PRDM15: variants seen among roughly 807,000 people sequenced by gnomAD.
PRDM15 encodes PR domain zinc finger protein 15.
PRDM15 carries 64 observed loss-of-function variants against 128.6 expected under a neutral mutation model. The ratio of observed to expected loss-of-function variants is 0.50; its 90% CI spans 0.41 to 0.61. The LOEUF is 0.61. Ranked by LOEUF, PRDM15 falls within the 20% of genes least tolerant of loss-of-function variation. The pLI is 0.00. For missense variants in PRDM15, 1,242 were observed against 1,569.1 expected, an observed-to-expected ratio of 0.79 and a Z score of 3.52; for synonymous variants, 615 against 621.8, an observed-to-expected ratio of 0.99 and a Z score of 0.16.
intron 1 of PRDM15, among the ~76,000 whole-genome samples, chr21:41,870,232 T>C (rs1056118101): frequency 3.3e-5 from 5 of 152,194 alleles, no homozygotes; most frequent in Non-Finnish European, 7.3e-5. Context: ...TCAACATCTA[T>C]TAATATAAAC....
intron 21 of PRDM15, among the ~76,000 whole-genome samples, chr21:41,805,554 G>A (rs115304548): frequency 1.2e-3 from 183 of 152,248 alleles, no homozygotes; most frequent in African/African-American, 4.3e-3. Context: ...AGGCTGGTCT[G>A]TAAGTGTTTT....
At chr21:41,867,485 C>T (rs573221621) in intron 1 of PRDM15, 101 of 872,408 alleles carry the variant, frequency 1.2e-4, no homozygotes, top group African/African-American at 9.4e-4. Context: ...CAGGCTGGAG[C>T]GCAGTGGTTT....
At chr21:41,841,978 A>G (rs916659743) in intron 6 of PRDM15, among the ~76,000 whole-genome samples, 1 of 152,260 alleles carries the variant, frequency 6.6e-6, no homozygotes, top group African/African-American at 2.4e-5. Flanking sequence ...TTAAGAAAAA[A>G]TCATCTGAAA....
At chr21:41,843,204 T>C (rs2063128906) in intron 6 of PRDM15, among the ~76,000 whole-genome samples, 1 of 152,234 alleles carries the variant, frequency 6.6e-6, no homozygotes, top group Non-Finnish European at 1.5e-5. Flanking sequence ...ATTTGCTTAT[T>C]TTTTTCCCGT....
In PRDM15 at chr21:41,810,791, T is replaced by G; in HGVS notation, c.2438A>C (p.Glu813Ala). 1 of 1,614,176 alleles carries G rather than the reference T, an allele frequency of 6.2e-7. No homozygotes were observed. The highest frequency in any genetic ancestry group is 8.5e-7 in the Non-Finnish European group (1 of 1,180,028). ...MCELCGKTFS[E>A]RNTMETHKLI... ...CTTGTGGGTCTCCATGGTGTTCCTC[T>G]CGCTGAATGTCTTCCCACACAATTC... is the stretch of plus-strand genomic sequence containing the variant. Residue 813 changes from glutamate to alanine, a missense_variant, in exon 20 of 24, where the codon GAG (glutamate) becomes GCG (alanine). Transcript: ENST00000398548. This position sits in a 1 kb window ranked among gnomAD's most constrained non-coding sequence, Gnocchi z 6.4.
rs2063838704 is a variant in PRDM15, at chr21:41,862,202, C to G, written c.-9-1830G>C. ...GCCCCCTGCAGGAACCCACGTGACT[C>G]ACGGTCAGGAGCTTGGGCGATGGGA... On this transcript the variant is annotated intron_variant, in intron 1 of 23. Coordinates refer to ENST00000398548, the MANE Select transcript of PRDM15 (RefSeq NM_001040424.3). The surrounding 1 kb of genome is among the most constrained non-coding windows in gnomAD (Gnocchi z 4.1). 6.6e-6 allele frequency among the ~76,000 whole-genome samples: 1 copy of G among 152,178 alleles called. No homozygotes were observed. The highest frequency in any genetic ancestry group is 2.4e-5 in the African/African-American group (1 of 41,452).
chr21:41,816,599 C>G (rs969144888), intron 18 of PRDM15, among the ~76,000 whole-genome samples: 1 of 152,232 alleles, frequency 6.6e-6, no homozygotes, highest in Non-Finnish European at 1.5e-5. Flanking sequence ...AGCCTGAACA[C>G]AGCTCTGTAG....
chr21:41,843,831 TCCA>T (rs1442656302), intron 6 of PRDM15, among the ~76,000 whole-genome samples: 1 of 151,990 alleles, frequency 6.6e-6, no homozygotes, highest in East Asian at 1.9e-4. Flanking sequence ...CACCTGTAGT[TCCA>T]GCTACTTGGG....
At chr21:41,819,296 G>A (rs1488317343) in intron 18 of PRDM15, among the ~76,000 whole-genome samples, 1 of 152,112 alleles carries the variant, frequency 6.6e-6, no homozygotes, top group Admixed American at 6.5e-5. Flanking sequence ...CGGCCTGGCT[G>A]AGCCTGGCCC....
At chr21:41,861,610 G>A (rs776430818) in intron 1 of PRDM15, 2 of 1,613,880 alleles carry the variant, frequency 1.2e-6, no homozygotes, top group Middle Eastern at 1.7e-4. Context: ...GTTGCTGAGT[G>A]GTTTAGGAAA....
chr21:41,875,666 C>T (rs2064387515), intron 1 of PRDM15, among the ~76,000 whole-genome samples: 1 of 152,228 alleles, frequency 6.6e-6, no homozygotes, highest in African/African-American at 2.4e-5. Context: ...CTAGGAACTC[C>T]TATTTCTGTT....
intron 7 of PRDM15, 63 bp downstream of exon 7, chr21:41,839,560 G>T: frequency 1.5e-6 from 2 of 1,295,106 alleles, no homozygotes; most frequent in Non-Finnish European, 2.2e-6. Flanking sequence ...TGCCCCGCCA[G>T]CCCTCGGGCG....
chr21:41,872,317 G>A (rs1221817855), intron 1 of PRDM15, among the ~76,000 whole-genome samples: 1 of 152,020 alleles, frequency 6.6e-6, no homozygotes, highest in African/African-American at 2.4e-5. Flanking sequence ...ACTTCTTATG[G>A]CAGATGAAGG....
rs370491837 is a variant in PRDM15, at chr21:41,839,868, G to T, written c.641-15C>A. On this transcript the variant is annotated splice_polypyrimidine_tract_variant and intron_variant, in intron 6 of 23. Coordinates refer to ENST00000398548, the MANE Select transcript of PRDM15 (RefSeq NM_001040424.3). The stretch of plus-strand genomic sequence containing the variant: ...CAACAGATGTTCTGCAAAGAGAGAC[G>T]CGAATGCACCACACAATTAGGAAGC... The T allele has an allele frequency of 6.2e-7, 1 of 1,607,348 alleles. No homozygotes were observed. The highest frequency in any genetic ancestry group is 8.5e-7 in the Non-Finnish European group (1 of 1,174,024).
In PRDM15 at chr21:41,862,438, C is replaced by T. The variant is rs2063849670; in HGVS notation, c.-9-2066G>A. 6.6e-6 allele frequency among the ~76,000 whole-genome samples: 1 copy of T among 152,160 alleles called. No individual in the cohort carries two copies. Among genetic ancestry groups the T allele is most frequent in the African/African-American group, 2.4e-5 (1 of 41,434 alleles). On this transcript the variant is annotated intron_variant, in intron 1 of 23. Transcript: ENST00000398548. This position sits in a 1 kb window ranked among gnomAD's most constrained non-coding sequence, Gnocchi z 4.1. ...TGGCCTACACCTCTCACAGACTGCC[C>T]ACCCCTTCTAGGTGCCCCCAAAAAA...
At chr21:41,806,006 T>TTACCACCACCACCAC (rs2061561136) in intron 21 of PRDM15, among the ~76,000 whole-genome samples, 1 of 42,436 alleles carries the variant, frequency 2.4e-5, no homozygotes, top group African/African-American at 1.0e-4. Context: ...ACCACCACCA[T>TTACCACCACCACCAC]CACCACCACC....
At chr21:41,872,262 C>T (rs1275949901) in intron 1 of PRDM15, among the ~76,000 whole-genome samples, 1 of 152,150 alleles carries the variant, frequency 6.6e-6, no homozygotes, top group South Asian at 2.1e-4. Flanking sequence ...AAATAACATG[C>T]TTCTCTGAGA....
intron 18 of PRDM15, 77 bp downstream of exon 18, chr21:41,819,505 G>T: frequency 1.9e-6 from 2 of 1,058,290 alleles, no homozygotes; most frequent in Non-Finnish European, 2.5e-6. Context: ...CCCAGTTCTC[G>T]CTCATGTCCC....
At chr21:41,841,908 A>AGTGC (rs1296238749) in intron 6 of PRDM15, among the ~76,000 whole-genome samples, 2 of 152,236 alleles carry the variant, frequency 1.3e-5, no homozygotes, top group Non-Finnish European at 2.9e-5. Flanking sequence ...TATGTTATTA[A>AGTGC]GTGCATATAA....
Sources: gnomAD v4.1 joint callset for allele counts (sites outside exome capture counted in the v4.1 genomes callset) on GRCh38, gnomAD v4.1.1 for gene constraint, Gnocchi (gnomAD v3.1) non-coding constraint, MANE v1.5 for transcripts, NCBI Gene and HGNC (gene_info 2026-07-23, HGNC 2026-07-21) for gene names.